The following OTOP1 variants were observed in gnomAD, a reference collection of about 807,000 sequenced individuals.
OTOP1 encodes otopetrin 1, also known as proton channel OTOP1.
OTOP1 carries 59 observed loss-of-function variants against 52.9 expected under a neutral mutation model. That is an observed-to-expected ratio of 1.12 (90% CI 0.91 to 1.39). OTOP1 has a LOEUF of 1.39. Among genes scored for constraint, OTOP1 ranks in the 40% most tolerant of loss-of-function variants. The pLI is 0.00. For missense variants in OTOP1, 761 were observed against 800.9 expected (o/e 0.95, Z 0.60); for synonymous variants, 317 against 337.7 (o/e 0.94, Z 0.67).
chr4:4,215,679 T>C (rs1004697557), intron 1 of OTOP1, among the ~76,000 whole-genome samples: 3 of 137,482 alleles, frequency 2.2e-5, no homozygotes, highest in Non-Finnish European at 1.6e-5. Flanking sequence ...TATATATTAA[T>C]ATGAAATATA....
At chr4:4,201,471 T>TATAC (rs1553852440) in intron 4 of OTOP1, among the ~76,000 whole-genome samples, 145 of 140,850 alleles carry the variant, frequency 1.0e-3, no homozygotes, top group African/African-American at 3.5e-3. Flanking sequence ...TATATATATA[T>TATAC]ACACACACAC....
At position 4,202,468 on chromosome 4, in the gene OTOP1, C is replaced by G; in HGVS notation, c.710G>C (p.Gly237Ala). 6.2e-7 allele frequency: 1 copy of G among 1,613,920 alleles called. No individual in the cohort carries two copies. The highest frequency in any genetic ancestry group is 2.2e-5 in the East Asian group (1 of 44,870). The change falls in exon 4 of 6, where the codon GGT becomes GCT. Residue 237 changes from glycine (G) to alanine (A), a missense_variant. Gly to Ala is a moderately conservative substitution (Grantham distance 60). Coordinates refer to ENST00000296358, the MANE Select transcript of OTOP1 (RefSeq NM_177998.3). ...NEHKERLITLGFGNITTVLDD... is the reference protein window; with the variant it reads ...NEHKERLITLAFGNITTVLDD... ...CTCACCTGTTGTTATGTTCCCAAAA[C>G]CCAGAGTGATGAGCCGTTCCTTGTG...
intron 3 of OTOP1, among the ~76,000 whole-genome samples, chr4:4,202,997 T>C (rs1240803941): frequency 3.9e-5 from 6 of 152,122 alleles, no homozygotes; most frequent in Non-Finnish European, 8.8e-5. Context: ...GGAGAGCAGG[T>C]CCACCCTTAC....
Position 4,202,488 on chromosome 4 carries a change from C to G in OTOP1, c.690G>C (p.Lys230Asn). Residue 230 changes from lysine (K) to asparagine (N), a missense_variant, in exon 4 of 6, where the codon AAG becomes AAC. This residue lies in a region of OTOP1 where 632 missense variants were observed against 619.5 expected (regional missense o/e 1.02). Coordinates refer to ENST00000296358, the MANE Select transcript of OTOP1 (RefSeq NM_177998.3). The part of the protein sequence containing the change: ...NESKHQLNEH[K>N]ERLITLGFGN... ...CAAAACCCAGAGTGATGAGCCGTTC[C>G]TTGTGCTCATTGAGTTGGTGCTTTG... 1 of 1,614,096 alleles carries G rather than the reference C, an allele frequency of 6.2e-7. No homozygotes were observed. The highest frequency in any genetic ancestry group is 2.2e-5 in the East Asian group (1 of 44,884).
chr4:4,189,055 T>C lies in OTOP1; in HGVS notation c.1669-82A>G, dbSNP rs568303098. Reference sequence around the variant, plus strand: ...GGCCCCACTCAAGTCCCAGGCCTCATGGGAGCTGAACCTAATGCACAGGGA... The same window carrying C: ...GGCCCCACTCAAGTCCCAGGCCTCACGGGAGCTGAACCTAATGCACAGGGA... On this transcript the variant is annotated intron_variant, in intron 5 of 5. Transcript: ENST00000296358. The C allele has an allele frequency of 7.4e-6, 10 of 1,358,704 alleles. No homozygotes were observed. The African/African-American group carries it at 1.0e-4, about 14-fold the overall frequency. 84.2% of individuals were successfully genotyped at this position (1,358,704 alleles called of 1,614,324 possible).
chr4:4,204,419 C>G (rs1201227825), intron 3 of OTOP1, among the ~76,000 whole-genome samples: 1 of 152,106 alleles, frequency 6.6e-6, no homozygotes, highest in Admixed American at 6.6e-5. Context: ...CACACAGCTC[C>G]CCTTTCTTCT....
chr4:4,191,571 T>C (rs1190989396), intron 5 of OTOP1, among the ~76,000 whole-genome samples: 1 of 152,188 alleles, frequency 6.6e-6, no homozygotes, highest in Non-Finnish European at 1.5e-5. Context: ...GGGGGTTTTA[T>C]ACCAGCCATT....
At chr4:4,224,326 G>A (rs1307476227) in intron 1 of OTOP1, among the ~76,000 whole-genome samples, 4 of 146,412 alleles carry the variant, frequency 2.7e-5, no homozygotes, top group Admixed American at 6.9e-5. Flanking sequence ...CAGCCTGGGC[G>A]ACAGGGCAAG....
chr4:4,189,331 T>C (rs1332785823), intron 5 of OTOP1, among the ~76,000 whole-genome samples: 3 of 152,202 alleles, frequency 2.0e-5, no homozygotes, highest in Non-Finnish European at 4.4e-5. Flanking sequence ...GAGAATTAAG[T>C]TTGCAAAACT....
Position 4,188,960 on chromosome 4 carries a change from G to C in OTOP1, c.1682C>G (p.Pro561Arg). The stretch of plus-strand genomic sequence containing the variant: ...ATACTCAGGTCGACAGCCAAAGGCG[G>C]GAGGTATCCAAAGCTGCAAGAGAAG... ...FLCNISLWIP[P>R]AFGCRPEYDN... The change falls in exon 6 of 6, where the codon CCC (proline) becomes CGC (arginine). Residue 561 changes from proline (P) to arginine (R), a missense_variant. By Grantham distance (103) the Pro-to-Arg change is moderately radical (BLOSUM62 -2). Around this residue, in one of 3 missense-constraint regions of OTOP1, gnomAD observed 632 missense variants for 619.5 expected, o/e 1.02. Transcript: ENST00000296358. 1 of 1,612,500 alleles carries C rather than the reference G, an allele frequency of 6.2e-7. No individual in the cohort carries two copies. Among genetic ancestry groups the C allele is most frequent in the Non-Finnish European group, 8.5e-7 (1 of 1,179,258 alleles).
chr4:4,215,372 G>A (rs1717118023), intron 1 of OTOP1, among the ~76,000 whole-genome samples: 1 of 152,012 alleles, frequency 6.6e-6, no homozygotes, highest in Admixed American at 6.6e-5. Context: ...AAGAATAAGA[G>A]TGCAGCTGGC....
At chr4:4,223,953 G>A (rs1407148709) in intron 1 of OTOP1, among the ~76,000 whole-genome samples, 1 of 151,256 alleles carries the variant, frequency 6.6e-6, no homozygotes, top group Non-Finnish European at 1.5e-5. Context: ...GAGAAAGAGA[G>A]GAGAGAGAGA....
chr4:4,207,078 A>C (rs1180929559), intron 2 of OTOP1, among the ~76,000 whole-genome samples: 1 of 152,202 alleles, frequency 6.6e-6, no homozygotes, highest in East Asian at 1.9e-4. Flanking sequence ...ATCAGAGAGT[A>C]AAAAATAAAA....
chr4:4,204,425 C>A (rs1716852842), intron 3 of OTOP1, among the ~76,000 whole-genome samples: 1 of 152,154 alleles, frequency 6.6e-6, no homozygotes. Context: ...GCTCCCCTTT[C>A]TTCTCTCATT....
intron 3 of OTOP1, among the ~76,000 whole-genome samples, chr4:4,204,466 C>G (rs1277040461): frequency 3.3e-5 from 5 of 152,168 alleles, no homozygotes; most frequent in African/African-American, 1.2e-4. Context: ...TGTCCAGTCC[C>G]AGGCCCACTG....
In OTOP1 at chr4:4,206,172, C is replaced by T. The variant is rs757518515; in HGVS notation, c.541-42G>A. On this transcript the variant is annotated intron_variant, in intron 2 of 5. Coordinates refer to ENST00000296358, the MANE Select transcript of OTOP1 (RefSeq NM_177998.3). Reference sequence around the variant, plus strand: ...AAAGAAAAGAAAAATCGGTGAGACACTCATCTTTACACTTGCAAACTTGAG... The same window carrying T: ...AAAGAAAAGAAAAATCGGTGAGACATTCATCTTTACACTTGCAAACTTGAG... 4.7e-6 allele frequency: 7 copies of T among 1,477,896 alleles called. No individual in the cohort carries two copies. In the South Asian group the frequency reaches 7.1e-5, roughly 15 times the overall value. The allele number at this position is 1,477,896 out of a possible 1,614,324, so 91.5% of individuals were successfully genotyped here.
intron 2 of OTOP1, among the ~76,000 whole-genome samples, 165 bp from the exon 3 acceptor site, chr4:4,206,295 A>G (rs1461225340): frequency 1.3e-5 from 2 of 152,194 alleles, no homozygotes; most frequent in Non-Finnish European, 2.9e-5. Flanking sequence ...AATGGGGACA[A>G]TGATCCAGGA....
chr4:4,202,669 C>T, intron 3 of OTOP1, 91 bp from the exon 4 acceptor site: 12 of 1,502,140 alleles, frequency 8.0e-6, no homozygotes, highest in Middle Eastern at 1.9e-4. Flanking sequence ...AAATACATGG[C>T]TCCTTCTCAG....
chr4:4,206,071 C>A lies in OTOP1; in HGVS notation c.599+1G>T, dbSNP rs143383113. ...ATAAAGCAATTACCCACAATTTTTA[C>A]CTTTCCAGTGTTTTGAAAGACTGGA... On this transcript the variant is annotated splice_donor_variant, in intron 3 of 5. Transcript: ENST00000296358. LOFTEE classifies it high-confidence loss of function. 8.4e-4 allele frequency: 1,353 copies of A among 1,601,734 alleles called. 1 individual carries two copies. The highest frequency in any genetic ancestry group is 1.1e-3 in the Non-Finnish European group (1,301 of 1,169,232).
Sources: allele counts gnomAD v4.1 joint callset (sites outside exome capture counted in the v4.1 genomes callset), GRCh38; gene constraint gnomAD v4.1.1; regional missense constraint gnomAD v4.1.1; transcripts MANE v1.5; gene names NCBI Gene and HGNC (gene_info 2026-07-23, HGNC 2026-07-21).